CEP126: variants seen among roughly 807,000 people sequenced by gnomAD.
The protein encoded by CEP126 is centrosomal protein of 126 kDa.
In CEP126, 74 loss-of-function variants were observed where a neutral mutation model predicts 107.8. The ratio of observed to expected loss-of-function variants is 0.69; its 90% CI spans 0.57 to 0.83. The LOEUF (loss-of-function observed/expected upper bound fraction) is 0.83. Ranked by LOEUF, CEP126 falls within the 40% of genes least tolerant of loss-of-function variation. CEP126 has a pLI of 0.00. For missense variants in CEP126, 1,237 were observed against 1,281.9 expected, an observed-to-expected ratio of 0.96 and a Z score of 0.53; for synonymous variants, 449 against 446.0, an observed-to-expected ratio of 1.01 and a Z score of -0.08.
intron 10 of CEP126, among the ~76,000 whole-genome samples, chr11:101,996,483 T>TA (rs1305770705): frequency 6.6e-6 from 1 of 152,204 alleles, no homozygotes; most frequent in Admixed American, 6.5e-5. Context: ...CTATATTTGG[T>TA]AAAATGTAAT....
chr11:101,924,816 T>C (rs1940383232), intron 2 of CEP126, among the ~76,000 whole-genome samples: 1 of 152,158 alleles, frequency 6.6e-6, no homozygotes, highest in Non-Finnish European at 1.5e-5. Context: ...TTGTCAGTTA[T>C]ACATTGACAT....
In CEP126 at chr11:101,948,035, C is replaced by G; in HGVS notation, c.399C>G (p.Ser133=). 6.2e-7 allele frequency: 1 copy of G among 1,603,260 alleles called. No individual in the cohort carries two copies. Among genetic ancestry groups the G allele is most frequent in the Non-Finnish European group, 8.5e-7 (1 of 1,171,858 alleles). The change falls in exon 4 of 11, where the codon TCC becomes TCG. Residue 133 remains serine (S), a synonymous_variant. Coordinates refer to ENST00000263468, the MANE Select transcript of CEP126 (RefSeq NM_020802.4). The part of the protein sequence containing the change: ...VPLSQRRKAV[S]RKPVPPLEEA... ...CGGTCTTTATTATCTCTTTAGTTTCCCGAAAACCAGTTCCTCCATTAGAAG... is the reference window on the plus strand; with the variant it reads ...CGGTCTTTATTATCTCTTTAGTTTCGCGAAAACCAGTTCCTCCATTAGAAG...
chr11:101,947,302 G>A (rs1196165196), intron 3 of CEP126, among the ~76,000 whole-genome samples: 1 of 152,168 alleles, frequency 6.6e-6, no homozygotes, highest in South Asian at 2.1e-4. Context: ...ACCATGTATA[G>A]ATAGTATAGT....
intron 4 of CEP126, chr11:101,955,945 C>A (rs1048551126): frequency 6.6e-6 from 3 of 456,368 alleles, no homozygotes; most frequent in African/African-American, 4.0e-5. Context: ...TACTGCCTAT[C>A]CATCCATCTG....
chr11:101,942,126 T>A (rs1940673669), intron 2 of CEP126, among the ~76,000 whole-genome samples: 1 of 152,124 alleles, frequency 6.6e-6, no homozygotes, highest in Non-Finnish European at 1.5e-5. Context: ...CACAAAAGTT[T>A]TTAATTTTGA....
intron 1 of CEP126, among the ~76,000 whole-genome samples, chr11:101,920,355 TA>T (rs771346304): frequency 2.6e-5 from 4 of 152,206 alleles, no homozygotes; most frequent in Non-Finnish European, 4.4e-5. Flanking sequence ...CATAGTTTAT[TA>T]TTGAGTGTAT....
chr11:101,993,169 A>T (rs1202692145), intron 10 of CEP126, among the ~76,000 whole-genome samples: 13 of 152,194 alleles, frequency 8.5e-5, no homozygotes, highest in Non-Finnish European at 1.0e-4. Context: ...TAATAAGCAG[A>T]GTACCTGATA....
At chr11:101,938,084 C>T (rs11225074) in intron 2 of CEP126, among the ~76,000 whole-genome samples, 1 of 144,450 alleles carries the variant, frequency 6.9e-6, no homozygotes, top group Non-Finnish European at 1.5e-5. Flanking sequence ...ACCCGGGAAG[C>T]GGAGCTTGCA....
intron 10 of CEP126, among the ~76,000 whole-genome samples, chr11:101,993,613 CT>C (rs1435105621): frequency 6.6e-6 from 1 of 152,166 alleles, no homozygotes; most frequent in East Asian, 1.9e-4. Flanking sequence ...GTTTTAAGTT[CT>C]TTAAGAAATT....
Position 101,958,287 on chromosome 11 carries a change from C to A in CEP126, c.626C>A (p.Ala209Asp), listed in dbSNP as rs760464325. Residue 209 changes from alanine to aspartate, a missense_variant, in exon 5 of 11, where the codon GCT becomes GAT. Transcript: ENST00000263468. ...AATGAAAACATGAGGGCAACCTTGG[C>A]TACTAGCAAAAATGTGTTCCAGCTT... ...EMNENMRATL[A>D]TSKNVFQLKL... is the part of the protein sequence containing the mutation. 6.2e-7 allele frequency: 1 copy of A among 1,613,970 alleles called. No homozygotes were observed. Among genetic ancestry groups the A allele is most frequent in the Non-Finnish European group, 8.5e-7 (1 of 1,179,918 alleles).
At chr11:101,981,353 GCA>G (rs1203236428) in intron 7 of CEP126, among the ~76,000 whole-genome samples, 10 of 152,064 alleles carry the variant, frequency 6.6e-5, no homozygotes, top group Non-Finnish European at 1.5e-4. Context: ...GAGTGCAGTG[GCA>G]CAGTCTCAGC....
intron 2 of CEP126, among the ~76,000 whole-genome samples, chr11:101,927,917 A>G (rs1194633152): frequency 6.6e-6 from 1 of 152,188 alleles, no homozygotes; most frequent in African/African-American, 2.4e-5. Context: ...ATAAGTGACC[A>G]TGAGTACTCT....
chr11:101,995,796 A>G (rs1206446873), intron 10 of CEP126, among the ~76,000 whole-genome samples: 2 of 152,238 alleles, frequency 1.3e-5, no homozygotes. Context: ...AAATACTTTC[A>G]TGTCTCTGAC....
At chr11:101,935,504 T>C (rs1940564544) in intron 2 of CEP126, among the ~76,000 whole-genome samples, 1 of 152,094 alleles carries the variant, frequency 6.6e-6, no homozygotes, top group African/African-American at 2.4e-5. Flanking sequence ...AAATTATATG[T>C]GTGTGGTATG....
chr11:101,956,463 C>G (rs563781534), intron 4 of CEP126: 1 of 456,530 alleles, frequency 2.2e-6, no homozygotes, highest in South Asian at 1.5e-5. Flanking sequence ...CAGCCCGAGG[C>G]CTTTGCAGAT....
intron 1 of CEP126, among the ~76,000 whole-genome samples, chr11:101,918,240 G>A (rs901101232): frequency 2.0e-5 from 3 of 152,142 alleles, no homozygotes; most frequent in African/African-American, 7.2e-5. Context: ...TTGAGTCCAG[G>A]AGTTCGAAAC....
intron 2 of CEP126, among the ~76,000 whole-genome samples, chr11:101,942,584 A>C (rs1419040775): frequency 7.3e-6 from 1 of 136,652 alleles, no homozygotes; most frequent in Non-Finnish European, 1.6e-5. Context: ...TTTCAGTATT[A>C]TTTTGGCTAT....
chr11:101,954,215 A>G (rs1268183356), intron 4 of CEP126, among the ~76,000 whole-genome samples: 1 of 152,022 alleles, frequency 6.6e-6, no homozygotes, highest in African/African-American at 2.4e-5. Flanking sequence ...TTTAGTAGAG[A>G]CTGGGTTTCA....
intron 6 of CEP126, among the ~76,000 whole-genome samples, chr11:101,974,633 A>T: frequency 6.6e-6 from 1 of 152,240 alleles, no homozygotes; most frequent in Non-Finnish European, 1.5e-5. Flanking sequence ...ATAATGCTTT[A>T]TTGAAGATTA....
Sources: gnomAD v4.1 joint callset for allele counts (sites outside exome capture counted in the v4.1 genomes callset) on GRCh38, gnomAD v4.1.1 for gene constraint, MANE v1.5 for transcripts, NCBI Gene and HGNC (gene_info 2026-07-23, HGNC 2026-07-21) for gene names.